CYP39A1: variants seen among roughly 807,000 people sequenced by gnomAD.
CYP39A1 encodes the protein cytochrome P450 family 39 subfamily A member 1.
Under a neutral mutation model 58.1 loss-of-function variants are expected in CYP39A1, and 49 were observed. The ratio of observed to expected loss-of-function variants is 0.84; its 90% confidence interval spans 0.67 to 1.07. The LOEUF (loss-of-function observed/expected upper bound fraction) is 1.07. Among genes scored for constraint, CYP39A1 ranks in the 50% least tolerant of loss-of-function variants. The pLI is 0.00. For missense variants in CYP39A1, 531 were observed against 539.4 expected, an observed-to-expected ratio of 0.98 and a Z score of 0.16; for synonymous variants, 209 against 187.6, an observed-to-expected ratio of 1.11 and a Z score of -0.93.
At chr6:46,562,103 A>T (rs959946168) in intron 10 of CYP39A1, among the ~76,000 whole-genome samples, 1 of 147,440 alleles carries the variant, frequency 6.8e-6, no homozygotes, top group Non-Finnish European at 1.5e-5. Context: ...GCTCACTGCA[A>T]CCTCCGCCTC....
intron 2 of CYP39A1, among the ~76,000 whole-genome samples, chr6:46,641,279 G>T (rs1776321676): frequency 6.6e-6 from 1 of 152,062 alleles, no homozygotes; most frequent in Admixed American, 6.6e-5. Flanking sequence ...AAATTCCATA[G>T]TCCAAGTATC....
chr6:46,582,186 G>A (rs1197653219), intron 10 of CYP39A1, among the ~76,000 whole-genome samples: 6 of 152,138 alleles, frequency 3.9e-5, no homozygotes, highest in Non-Finnish European at 7.4e-5. Context: ...GGATGCATTT[G>A]TTTATGGAAC....
At chr6:46,562,649 A>G (rs1305901296) in intron 10 of CYP39A1, among the ~76,000 whole-genome samples, 2 of 151,974 alleles carry the variant, frequency 1.3e-5, no homozygotes, top group Admixed American at 6.6e-5. Context: ...AATTTTTAAA[A>G]GTTTGAAGCT....
intron 10 of CYP39A1, chr6:46,586,127 G>A (rs184310215): frequency 6.9e-5 from 50 of 724,652 alleles, no homozygotes; most frequent in African/African-American, 2.1e-4. Context: ...TAGGGGAAGC[G>A]TAAATTACCA....
chr6:46,563,839 T>G (rs1771108877), intron 10 of CYP39A1, among the ~76,000 whole-genome samples: 1 of 152,058 alleles, frequency 6.6e-6, no homozygotes, highest in African/African-American at 2.4e-5. Context: ...GGGAGGACAT[T>G]CTCAGATGTT....
intron 8 of CYP39A1, among the ~76,000 whole-genome samples, chr6:46,590,557 A>G (rs1236538152): frequency 1.3e-5 from 2 of 152,198 alleles, no homozygotes; most frequent in Non-Finnish European, 2.9e-5. Flanking sequence ...AAATAAAAAC[A>G]AAATAAGTAT....
chr6:46,642,080 G>T, intron 2 of CYP39A1, 83 bp downstream of exon 2: 1 of 1,371,426 alleles, frequency 7.3e-7, no homozygotes, highest in East Asian at 2.3e-5. Context: ...CTTGATAGAG[G>T]AATGAGGATG....
intron 10 of CYP39A1, among the ~76,000 whole-genome samples, chr6:46,575,108 C>T (rs1356019330): frequency 6.6e-6 from 1 of 152,104 alleles, no homozygotes; most frequent in Non-Finnish European, 1.5e-5. Context: ...GAGTGGCTCA[C>T]CTTCACCAGG....
At chr6:46,594,732 C>G (rs1773040240) in intron 8 of CYP39A1, among the ~76,000 whole-genome samples, 1 of 151,824 alleles carries the variant, frequency 6.6e-6, no homozygotes, top group African/African-American at 2.4e-5. Flanking sequence ...GGAAAAGACC[C>G]CATGACAGTG....
intron 10 of CYP39A1, among the ~76,000 whole-genome samples, chr6:46,567,172 A>G (rs1211353346): frequency 6.6e-6 from 1 of 152,024 alleles, no homozygotes; most frequent in African/African-American, 2.4e-5. Context: ...CCACCATTCT[A>G]CTCACTGTTT....
At chr6:46,641,057 T>C (rs1015447965) in intron 2 of CYP39A1, among the ~76,000 whole-genome samples, 4 of 151,970 alleles carry the variant, frequency 2.6e-5, no homozygotes, top group Non-Finnish European at 4.4e-5. Flanking sequence ...ATCTACTATA[T>C]GGGAGGGATG....
intron 10 of CYP39A1, among the ~76,000 whole-genome samples, chr6:46,573,342 C>T (rs901341174): frequency 3.3e-5 from 5 of 152,064 alleles, no homozygotes; most frequent in African/African-American, 9.7e-5. Context: ...GCTAAGTGAA[C>T]AGGATGTGGT....
chr6:46,550,246 G>T lies in CYP39A1; in HGVS notation c.*120C>A. 2 of 693,386 alleles carry T rather than the reference G, an allele frequency of 2.9e-6. No homozygotes were observed. The highest frequency in any genetic ancestry group is 2.2e-5 in the South Asian group (1 of 45,236). The allele number at this position is 693,386 out of a possible 1,614,324, so 43.0% of individuals were successfully genotyped here. A position where few individuals can be genotyped will look rare whatever the true frequency, so the allele number is the denominator to read the frequency against. On this transcript the variant is annotated 3_prime_UTR_variant, in exon 12 of 12. Coordinates refer to ENST00000275016, the MANE Select transcript of CYP39A1 (RefSeq NM_016593.5). ...ACATGCACCATTTGAATGTGTTCTT[G>T]AACTAAGTCCTAAAACAAAGTGAAG...
At chr6:46,610,733 AT>A (rs1254089823) in intron 7 of CYP39A1, among the ~76,000 whole-genome samples, 4 of 152,170 alleles carry the variant, frequency 2.6e-5, no homozygotes, top group African/African-American at 9.7e-5. Flanking sequence ...CAAAAATGGA[AT>A]TCTCATTATA....
intron 1 of CYP39A1, among the ~76,000 whole-genome samples, chr6:46,650,519 T>TA (rs869266700): frequency 9.4e-6 from 1 of 106,648 alleles, no homozygotes; most frequent in Non-Finnish European, 1.8e-5. Context: ...TTTTTTTTTT[T>TA]AAGAGACAAG....
intron 10 of CYP39A1, among the ~76,000 whole-genome samples, chr6:46,573,569 G>T (rs1383119853): frequency 6.6e-6 from 1 of 152,162 alleles, no homozygotes; most frequent in African/African-American, 2.4e-5. Flanking sequence ...TCCTCTTGGT[G>T]CTGAGTCTGT....
chr6:46,586,302 C>T, intron 10 of CYP39A1: 1 of 982,618 alleles, frequency 1.0e-6, no homozygotes, highest in East Asian at 1.1e-4. Context: ...TGGATTTCTA[C>T]ATTTATTGAG....
chr6:46,573,090 T>A (rs548909462), intron 10 of CYP39A1, among the ~76,000 whole-genome samples: 1 of 152,272 alleles, frequency 6.6e-6, no homozygotes, highest in South Asian at 2.1e-4. Flanking sequence ...AGTTCTCTTG[T>A]ATCTTGCTGA....
intron 4 of CYP39A1, among the ~76,000 whole-genome samples, chr6:46,637,500 T>C (rs1188853590): frequency 6.6e-6 from 1 of 152,240 alleles, no homozygotes; most frequent in African/African-American, 2.4e-5. Context: ...ATTCTGAGAC[T>C]GCTCAGGTTG....
Sources: gnomAD v4.1 joint callset for allele counts (sites outside exome capture counted in the v4.1 genomes callset) on GRCh38, gnomAD v4.1.1 for gene constraint, MANE v1.5 for transcripts, NCBI Gene and HGNC (gene_info 2026-07-23, HGNC 2026-07-21) for gene names.